The following DMD variants were observed in gnomAD, a reference collection of about 807,000 sequenced individuals.
DMD encodes the protein mutant dystrophin.
DMD carries 63 observed loss-of-function variants against 330.1 expected under a neutral mutation model. The observed-to-expected ratio is 0.19, with a 90% CI of 0.16 to 0.24. DMD has a LOEUF of 0.24. Among genes scored for constraint, DMD ranks in the 10% least tolerant of loss-of-function variants. DMD has a pLI of 1.00. For missense variants in DMD, 3,344 were observed against 2,684.1 expected (o/e 1.25, Z -5.43); for synonymous variants, 1,223 against 959.8 (o/e 1.27, Z -5.07).
chrX:32,808,247 AAGG>A (rs1334744364), intron 7 of DMD, among the ~76,000 whole-genome samples: 1 of 111,759 alleles, frequency 8.9e-6, no homozygotes, highest in Non-Finnish European at 1.9e-5. Flanking sequence ...GCATTATCCA[AAGG>A]AGAAGAAACA....
chrX:33,188,843 T>C (rs2050389489), intron 1 of DMD, among the ~76,000 whole-genome samples: 1 of 111,063 alleles, frequency 9.0e-6, no homozygotes, highest in Non-Finnish European at 1.9e-5. Context: ...TTAGTATCCT[T>C]ATAAAAAGAT....
At chrX:33,139,580 T>C (rs918988153) in intron 1 of DMD, among the ~76,000 whole-genome samples, 1 of 110,202 alleles carries the variant, frequency 9.1e-6, no homozygotes, top group Admixed American at 9.7e-5. Flanking sequence ...TGGTGCTGTC[T>C]TCAGATGGTG....
chrX:32,009,567 GAGAA>G lies in DMD; in HGVS notation c.6439-41057_6439-41054del, dbSNP rs199895580. On this transcript the variant is annotated intron_variant, in intron 44 of 78. Coordinates refer to ENST00000357033, the MANE Select transcript of DMD (RefSeq NM_004006.3). ...GGACAGAGATTACTATTTTTATTTG[GAGAA>G]AGAAACACTTAAGTCTATGGGCCTG... is the stretch of plus-strand genomic sequence containing the variant. 6.3e-3 allele frequency among the ~76,000 whole-genome samples: 699 copies of G among 111,525 alleles called. 3 individuals are homozygous for G. The highest frequency in any genetic ancestry group is 0.014 in the Admixed American group (151 of 10,474).
chrX:33,013,366 G>C, intron 2 of DMD, among the ~76,000 whole-genome samples: 1 of 111,353 alleles, frequency 9.0e-6, no homozygotes, highest in Middle Eastern at 4.6e-3. Context: ...GAGGATTTCC[G>C]TAAGTTTCCT....
intron 52 of DMD, among the ~76,000 whole-genome samples, chrX:31,705,260 A>G (rs2084097194): frequency 8.9e-6 from 1 of 112,986 alleles, no homozygotes; most frequent in Non-Finnish European, 1.9e-5. Flanking sequence ...GGTAGATGGA[A>G]AGATAAGAAA....
chrX:32,686,144 A>G (rs938948678), intron 9 of DMD, among the ~76,000 whole-genome samples: 1 of 111,640 alleles, frequency 9.0e-6, no homozygotes, highest in Admixed American at 9.6e-5. Context: ...GCATTATTAC[A>G]TTTTTTCACT....
intron 55 of DMD, among the ~76,000 whole-genome samples, chrX:31,624,104 C>A (rs2078708843): frequency 9.0e-6 from 1 of 111,583 alleles, no homozygotes; most frequent in South Asian, 3.7e-4. Context: ...TAATCCGATT[C>A]AATTACGAAT....
At chrX:31,302,402 G>A in intron 62 of DMD, among the ~76,000 whole-genome samples, 1 of 111,752 alleles carries the variant, frequency 8.9e-6, no homozygotes, top group Non-Finnish European at 1.9e-5. Context: ...TAGAAAATAT[G>A]TAAGATTAGA....
intron 25 of DMD, among the ~76,000 whole-genome samples, chrX:32,458,179 A>T (rs1488244656): frequency 2.7e-5 from 3 of 110,705 alleles, no homozygotes; most frequent in African/African-American, 9.8e-5. Context: ...ATAGACTTAA[A>T]CCCAGGCGAT....
chrX:31,948,997 C>T (rs1471258624), intron 45 of DMD, among the ~76,000 whole-genome samples: 1 of 111,568 alleles, frequency 9.0e-6, no homozygotes, highest in Non-Finnish European at 1.9e-5. Context: ...TATGACAGTA[C>T]CACACTGTCT....
intron 59 of DMD, among the ~76,000 whole-genome samples, chrX:31,472,090 C>T (rs1237070994): frequency 8.9e-6 from 1 of 112,303 alleles, no homozygotes; most frequent in Non-Finnish European, 1.9e-5. Flanking sequence ...ACAACAACAA[C>T]AATGAAAGCC....
intron 15 of DMD, among the ~76,000 whole-genome samples, chrX:32,568,910 A>T (rs150106208): frequency 8.9e-6 from 1 of 112,116 alleles, no homozygotes; most frequent in Admixed American, 9.5e-5. Flanking sequence ...ATATTAAATA[A>T]CTATGATTTG....
chrX:32,206,206 G>A, intron 44 of DMD: 2 of 512,497 alleles, frequency 3.9e-6, no homozygotes, highest in Admixed American at 4.6e-5. Context: ...TGTGGTTCAG[G>A]GCCAGTGCAT....
chrX:32,004,911 G>A, intron 44 of DMD, among the ~76,000 whole-genome samples: 1 of 111,362 alleles, frequency 9.0e-6, no homozygotes, highest in Non-Finnish European at 1.9e-5. Flanking sequence ...AACCTAGAGT[G>A]GATGTCCTAT....
At position 32,563,248 on chromosome X, in the gene DMD, C is replaced by A. The variant is rs752569663; in HGVS notation, c.1992+2454G>T. ...CCAGCTGCTACTTGGGAGGCTGAGG[C>A]AGGAGAACGGTGTGAACCCAGGAGG... On this transcript the variant is annotated intron_variant, in intron 16 of 78. Transcript: ENST00000357033. 2.9e-5 allele frequency among the ~76,000 whole-genome samples: 3 copies of A among 102,469 alleles called. No homozygotes were observed. In the Admixed American group the frequency reaches 3.4e-4, roughly 12 times the overall value. The allele number at this position is 102,469 out of a possible 115,157, so 89.0% of individuals were successfully genotyped here. A position where few individuals can be genotyped will look rare whatever the true frequency, so the allele number is the denominator to read the frequency against.
intron 42 of DMD, among the ~76,000 whole-genome samples, chrX:32,296,095 A>G (rs752513405): frequency 8.9e-6 from 1 of 112,359 alleles, no homozygotes; most frequent in East Asian, 2.8e-4. Flanking sequence ...CCAAAGTTCT[A>G]TTATTTAAAA....
chrX:32,407,030 A>C (rs1327314943), intron 30 of DMD, among the ~76,000 whole-genome samples: 1 of 111,662 alleles, frequency 9.0e-6, no homozygotes. Flanking sequence ...CCCTAGAAGA[A>C]AACCTAGGCA....
At chrX:32,168,207 G>A (rs1054348839) in intron 44 of DMD, among the ~76,000 whole-genome samples, 8 of 111,130 alleles carry the variant, frequency 7.2e-5, no homozygotes, top group Admixed American at 1.9e-4. Context: ...TTAGCCCATC[G>A]GCCCATTCCT....
rs191886382 is a variant in DMD at position 32,631,443 on chromosome X, G to C, written c.1331+12689C>G. ...GTAGCAATTTTTCCCTGGTGGGTTT[G>C]CAAGATCCTATATGTAAGCCAGGGC... On this transcript the variant is annotated intron_variant, in intron 11 of 78. Coordinates refer to ENST00000357033, the MANE Select transcript of DMD (RefSeq NM_004006.3). Among the ~76,000 whole-genome samples the C allele has an allele frequency of 5.6e-3, 626 of 111,937 alleles. 4 individuals carry two copies. Among genetic ancestry groups the C allele is most frequent in the African/African-American group, 0.018 (559 of 30,813 alleles).
Sources: allele counts gnomAD v4.1 joint callset (sites outside exome capture counted in the v4.1 genomes callset), GRCh38; gene constraint gnomAD v4.1.1; transcripts MANE v1.5; gene names NCBI Gene and HGNC (gene_info 2026-07-23, HGNC 2026-07-21).